IGF1R: variants seen among roughly 807,000 people sequenced by gnomAD.
IGF1R encodes insulin like growth factor 1 receptor, also known as insulin-like growth factor 1 receptor.
A neutral mutation model predicts 144.6 loss-of-function variants in IGF1R; 44 were observed. The observed-to-expected ratio is 0.30, with a 90% CI of 0.24 to 0.39. IGF1R has a LOEUF of 0.39. Among genes scored for constraint, IGF1R ranks in the 10% least tolerant of loss-of-function variants. The pLI is 1.00. For missense variants in IGF1R, 1,355 were observed against 1,833.7 expected (o/e 0.74, Z 4.77); for synonymous variants, 795 against 722.8 (o/e 1.10, Z -1.60).
Position 98,962,761 on chromosome 15 carries a change from C to T in IGF1R, c.*5319C>T, listed in dbSNP as rs929303274. ...TGTTCTTGAAGCTATCAGACCACAT[C>T]GAGGCTCAGCAGTCATCCGTGGGCA... On this transcript the variant is annotated 3_prime_UTR_variant, in exon 21 of 21. Coordinates refer to ENST00000650285, the MANE Select transcript of IGF1R (RefSeq NM_000875.5). The T allele has an allele frequency of 8.6e-6, 2 of 233,358 alleles. No homozygotes were observed. The highest frequency in any genetic ancestry group is 2.2e-5 in the African/African-American group (1 of 45,328). 14.5% of individuals were successfully genotyped at this position (233,358 alleles called of 1,614,324 possible). A position where few individuals can be genotyped will look rare whatever the true frequency, so the allele number is the denominator to read the frequency against.
intron 2 of IGF1R, among the ~76,000 whole-genome samples, chr15:98,837,976 T>C (rs1204411259): frequency 6.6e-6 from 1 of 152,236 alleles, no homozygotes; most frequent in Non-Finnish European, 1.5e-5. Flanking sequence ...TTTGGATCTG[T>C]TGGCTTGCAA....
intron 2 of IGF1R, among the ~76,000 whole-genome samples, chr15:98,812,676 T>C (rs1346357056): frequency 6.6e-6 from 1 of 152,212 alleles, no homozygotes; most frequent in East Asian, 1.9e-4. Context: ...TTTTGAAAAC[T>C]TCGTCGTATA....
In IGF1R at chr15:98,891,260, C is replaced by G; in HGVS notation, c.641-65C>G. 6.7e-7 allele frequency: 1 copy of G among 1,492,376 alleles called. No individual in the cohort carries two copies. The highest frequency in any genetic ancestry group is 9.2e-7 in the Non-Finnish European group (1 of 1,090,464). The allele number at this position is 1,492,376 out of a possible 1,614,324, so 92.4% of individuals were successfully genotyped here. ...GTGAATGACCCAGAAGGATGCTGGC[C>G]AGGCCCAGAGAAGGCGGTGCCTCCC... On this transcript the variant is annotated intron_variant, in intron 2 of 20. Coordinates refer to ENST00000650285, the MANE Select transcript of IGF1R (RefSeq NM_000875.5). The surrounding 1 kb of genome is among the most constrained non-coding windows in gnomAD (Gnocchi z 4.7).
At chr15:98,810,711 G>A (rs2056569674) in intron 2 of IGF1R, among the ~76,000 whole-genome samples, 1 of 151,992 alleles carries the variant, frequency 6.6e-6, no homozygotes, top group Non-Finnish European at 1.5e-5. Flanking sequence ...ACCACGCCCG[G>A]CTTATTTTTC....
chr15:98,684,372 G>T (rs569645822), intron 1 of IGF1R, among the ~76,000 whole-genome samples: 12 of 101,470 alleles, frequency 1.2e-4, no homozygotes, highest in Admixed American at 7.9e-4. Context: ...GCTCTGTGGG[G>T]TTTTTTTTGT....
rs1469296346 is a variant in IGF1R, at chr15:98,958,176, AAGGCCAC to A, written c.*739_*745del. 3 of 233,038 alleles carry A rather than the reference AAGGCCAC, an allele frequency of 1.3e-5. No homozygotes were observed. In the Admixed American group the frequency reaches 1.7e-4, roughly 13 times the overall value. 14.4% of individuals were successfully genotyped at this position (233,038 alleles called of 1,614,324 possible). A position where few individuals can be genotyped will look rare whatever the true frequency, so the allele number is the denominator to read the frequency against. ...TCCGACTGCCCCTGCTGTGCTGCTC[AAGGCCAC>A]AGGCACACAGGTCTCATTGCTTCTG... On this transcript the variant is annotated 3_prime_UTR_variant, in exon 21 of 21. Transcript: ENST00000650285.
intron 2 of IGF1R, among the ~76,000 whole-genome samples, chr15:98,719,036 C>G (rs1427918486): frequency 1.3e-5 from 2 of 152,198 alleles, no homozygotes; most frequent in African/African-American, 4.8e-5. Flanking sequence ...TTATTAGGTG[C>G]TTAGACTATT....
intron 2 of IGF1R, among the ~76,000 whole-genome samples, chr15:98,797,940 A>T (rs2056284649): frequency 6.6e-6 from 1 of 152,240 alleles, no homozygotes; most frequent in East Asian, 1.9e-4. Flanking sequence ...CTTTCTGAAG[A>T]GGGGACATTT....
At chr15:98,876,524 C>T (rs1191687620) in intron 2 of IGF1R, among the ~76,000 whole-genome samples, 5 of 152,166 alleles carry the variant, frequency 3.3e-5, no homozygotes, top group African/African-American at 9.7e-5. Flanking sequence ...GCCCCACTAC[C>T]ACCAGCTCTA....
rs2052295273 is a variant in IGF1R, at chr15:98,649,588, T to G, written c.7T>G (p.Ser3Ala). ...TTCATCCCAAATAAAAGGAATGAAG[T>G]CTGGCTCCGGAGGAGGGTCCCCGAC... MK[S>A]GSGGGSPTSL... The change falls in exon 1 of 21, where the codon TCT becomes GCT. Residue 3 changes from serine to alanine, a missense_variant. Physicochemically the swap from Ser to Ala is moderately conservative, Grantham distance 99 (BLOSUM62 1). This residue lies in a region of IGF1R where 49 missense variants were observed against 34.7 expected (regional missense o/e 1.41). Transcript: ENST00000650285. The G allele has an allele frequency of 6.4e-7, 1 of 1,573,010 alleles. No homozygotes were observed. Among genetic ancestry groups the G allele is most frequent in the African/African-American group, 1.4e-5 (1 of 72,906 alleles).
chr15:98,752,488 C>A (rs553407077), intron 2 of IGF1R, among the ~76,000 whole-genome samples: 1 of 152,076 alleles, frequency 6.6e-6, no homozygotes, highest in Admixed American at 6.5e-5. Context: ...TCGAGACCAT[C>A]CTAACGCGGT....
chr15:98,762,734 A>C (rs2055336594), intron 2 of IGF1R, among the ~76,000 whole-genome samples: 1 of 151,960 alleles, frequency 6.6e-6, no homozygotes, highest in Non-Finnish European at 1.5e-5. Flanking sequence ...CTCCAAACAA[A>C]ACAAAACTAA....
intron 2 of IGF1R, among the ~76,000 whole-genome samples, chr15:98,854,167 C>T (rs2011661525): frequency 6.6e-6 from 1 of 152,138 alleles, no homozygotes; most frequent in Non-Finnish European, 1.5e-5. Flanking sequence ...CAGAGTTTTG[C>T]CCCGGGGCCA....
intron 2 of IGF1R, chr15:98,820,849 A>G (rs1291519423): frequency 6.6e-6 from 1 of 152,140 alleles, no homozygotes; most frequent in Non-Finnish European, 1.5e-5. Flanking sequence ...ATTACGGAAC[A>G]CCTCTCTTTG....
intron 1 of IGF1R, among the ~76,000 whole-genome samples, chr15:98,669,232 G>T (rs1382106827): frequency 6.6e-6 from 1 of 152,170 alleles, no homozygotes; most frequent in African/African-American, 2.4e-5. Flanking sequence ...CCTTTTATCT[G>T]CTCTCTGAAA....
intron 2 of IGF1R, among the ~76,000 whole-genome samples, chr15:98,807,836 A>G (rs1008438441): frequency 1.4e-4 from 22 of 152,276 alleles, no homozygotes; most frequent in Non-Finnish European, 7.3e-5. Context: ...TCTGTCTGAC[A>G]TAGTATAAGT....
intron 1 of IGF1R, among the ~76,000 whole-genome samples, chr15:98,682,497 G>A (rs1404959615): frequency 6.6e-6 from 1 of 152,158 alleles, no homozygotes; most frequent in Non-Finnish European, 1.5e-5. Context: ...TGAAGAGCTT[G>A]TCTACGTTTT....
chr15:98,823,912 GA>G (rs1430330203), intron 2 of IGF1R, among the ~76,000 whole-genome samples: 1 of 152,146 alleles, frequency 6.6e-6, no homozygotes, highest in Non-Finnish European at 1.5e-5. Context: ...GAGAGAGAAA[GA>G]GGGGGAAAAA....
rs540355204 is a variant in IGF1R, at chr15:98,708,845, G to T, written c.640+738G>T. Reference sequence around the variant, plus strand: ...AGTTGTGAAAATCTTAAGATTTCACGAGTGAAGGAACTTTGGAAAGTATTT... The same window carrying T: ...AGTTGTGAAAATCTTAAGATTTCACTAGTGAAGGAACTTTGGAAAGTATTT... On this transcript the variant is annotated intron_variant, in intron 2 of 20. Transcript: ENST00000650285. Among the ~76,000 whole-genome samples the T allele has an allele frequency of 5.3e-5, 8 of 152,306 alleles. No homozygotes were observed. The South Asian group carries it at 1.7e-3, about 32-fold the overall frequency.
Sources: allele counts gnomAD v4.1 joint callset (sites outside exome capture counted in the v4.1 genomes callset), GRCh38; gene constraint gnomAD v4.1.1; regional missense constraint gnomAD v4.1.1; non-coding constraint Gnocchi (gnomAD v3.1); transcripts MANE v1.5; gene names NCBI Gene and HGNC (gene_info 2026-07-23, HGNC 2026-07-21).